The following ANKHD1 variants were observed in gnomAD, a reference collection of about 807,000 sequenced individuals.
The protein encoded by ANKHD1 is ankyrin repeat and KH domain containing 1.
ANKHD1 carries 31 observed loss-of-function variants against 230.5 expected under a neutral mutation model. The observed-to-expected ratio is 0.13, with a 90% confidence interval of 0.10 to 0.18. The LOEUF (loss-of-function observed/expected upper bound fraction) is 0.18. Among genes scored for constraint, ANKHD1 ranks in the 10% least tolerant of loss-of-function variants. The pLI, the probability that ANKHD1 is intolerant of heterozygous loss-of-function variation, is 1.00. For missense variants in ANKHD1, 2,256 were observed against 3,071.3 expected (o/e 0.73, Z 6.27); for synonymous variants, 1,074 against 1,117.6 (o/e 0.96, Z 0.78).
At chr5:140,464,489 C>A (rs1775948774) in intron 9 of ANKHD1, among the ~76,000 whole-genome samples, 178 bp from the exon 10 acceptor site, 1 of 152,064 alleles carries the variant, frequency 6.6e-6, no homozygotes, top group Non-Finnish European at 1.5e-5. Context: ...TGGTTTAGTT[C>A]TTTTTGGTAT....
intron 10 of ANKHD1, among the ~76,000 whole-genome samples, chr5:140,468,816 T>C (rs1384256626): frequency 6.6e-6 from 1 of 152,196 alleles, no homozygotes; most frequent in East Asian, 1.9e-4. Flanking sequence ...TTTTTAAATA[T>C]TACAAATGGT....
intron 15 of ANKHD1, 106 bp from the exon 16 acceptor site, chr5:140,504,715 A>G (rs76322259): frequency 8.5e-6 from 12 of 1,406,796 alleles, no homozygotes; most frequent in Non-Finnish European, 1.0e-5. Flanking sequence ...TGATTTTACT[A>G]TTACTACATA....
intron 14 of ANKHD1, among the ~76,000 whole-genome samples, chr5:140,489,650 C>T (rs1751681695): frequency 6.6e-6 from 1 of 152,102 alleles, no homozygotes; most frequent in Non-Finnish European, 1.5e-5. Context: ...TAGTGAGTAA[C>T]CATATTTTTG....
In ANKHD1 at chr5:140,512,983, G is replaced by A. The variant is rs757770078; in HGVS notation, c.4200+60G>A. 7.6e-6 allele frequency: 11 copies of A among 1,455,902 alleles called. No homozygotes were observed. In the East Asian group the frequency reaches 2.2e-4, roughly 29 times the overall value. 90.2% of individuals were successfully genotyped at this position (1,455,902 alleles called of 1,614,324 possible). ...TCTTTGTGGAATGATATGCCAAAGT[G>A]TGCAGTTAGGAACTTGTTCTTTTTA... On this transcript the variant is annotated intron_variant, in intron 23 of 33. Coordinates refer to ENST00000360839, the MANE Select transcript of ANKHD1 (RefSeq NM_017747.3).
chr5:140,516,342 G>A (rs1217196234), intron 24 of ANKHD1, among the ~76,000 whole-genome samples: 2 of 152,166 alleles, frequency 1.3e-5, no homozygotes, highest in African/African-American at 4.8e-5. Flanking sequence ...AAAGTGACAG[G>A]GAGAATGGAA....
chr5:140,521,805 C>T lies in ANKHD1; in HGVS notation c.4318-2261C>T, dbSNP rs181048654. On this transcript the variant is annotated intron_variant, in intron 24 of 33. Transcript: ENST00000360839. Reference sequence around the variant, plus strand: ...GACCAGGCTGGCTAACATGGTAAAACCCTTCTCTACTAAAAGTACAAAAAT... The same window carrying T: ...GACCAGGCTGGCTAACATGGTAAAATCCTTCTCTACTAAAAGTACAAAAAT... Among the ~76,000 whole-genome samples, 1,084 of 152,148 alleles carry T rather than the reference C, an allele frequency of 7.1e-3. 7 individuals carry two copies. Among genetic ancestry groups the T allele is most frequent in the Non-Finnish European group, 0.011 (763 of 67,994 alleles).
chr5:140,440,806 A>G (rs1311376395), intron 4 of ANKHD1, among the ~76,000 whole-genome samples, 189 bp from the exon 5 acceptor site: 3 of 152,208 alleles, frequency 2.0e-5, no homozygotes, highest in African/African-American at 2.4e-5. Flanking sequence ...TTAATATGTA[A>G]TGATATTGTA....
At chr5:140,423,199 A>G (rs879392259) in intron 1 of ANKHD1, among the ~76,000 whole-genome samples, 3 of 152,112 alleles carry the variant, frequency 2.0e-5, no homozygotes, top group African/African-American at 7.2e-5. Flanking sequence ...TGCCCAGCCT[A>G]TTTATTCAAA....
intron 10 of ANKHD1, among the ~76,000 whole-genome samples, chr5:140,477,967 G>T (rs1221345248): frequency 6.6e-6 from 1 of 152,080 alleles, no homozygotes; most frequent in African/African-American, 2.4e-5. Flanking sequence ...AAAATTACAC[G>T]GTAGAAACTG....
At chr5:140,522,001 G>A (rs1310553738) in intron 24 of ANKHD1, among the ~76,000 whole-genome samples, 2 of 152,198 alleles carry the variant, frequency 1.3e-5, no homozygotes, top group East Asian at 1.9e-4. Flanking sequence ...ATAAAGTTAC[G>A]TAATTCAGTG....
chr5:140,409,432 T>C (rs552041452), intron 1 of ANKHD1, among the ~76,000 whole-genome samples: 2 of 152,340 alleles, frequency 1.3e-5, no homozygotes, highest in African/African-American at 4.8e-5. Flanking sequence ...CTTTATTCCA[T>C]AAATTATCAT....
chr5:140,465,435 G>T (rs908502989), intron 10 of ANKHD1, among the ~76,000 whole-genome samples: 2 of 152,142 alleles, frequency 1.3e-5, no homozygotes, highest in East Asian at 1.9e-4. Flanking sequence ...CCATTTAAAT[G>T]TTCATGCCTC....
At chr5:140,431,362 G>A (rs1184329491) in intron 1 of ANKHD1, among the ~76,000 whole-genome samples, 3 of 152,150 alleles carry the variant, frequency 2.0e-5, no homozygotes, top group African/African-American at 4.8e-5. Context: ...AGTGAGTGCT[G>A]ATAAAATGCA....
intron 8 of ANKHD1, 138 bp from the exon 9 acceptor site, chr5:140,459,026 A>C: frequency 6.2e-6 from 1 of 160,104 alleles, no homozygotes; most frequent in East Asian, 1.7e-4. Context: ...ATATATATAT[A>C]TATTGCATTG....
intron 1 of ANKHD1, among the ~76,000 whole-genome samples, chr5:140,419,744 T>C (rs1486972132): frequency 2.6e-5 from 4 of 151,572 alleles, no homozygotes. Flanking sequence ...CTCTCTCTCT[T>C]TCTTTTCTTT....
intron 1 of ANKHD1, among the ~76,000 whole-genome samples, chr5:140,422,173 A>G (rs1210191190): frequency 6.6e-6 from 1 of 152,034 alleles, no homozygotes; most frequent in East Asian, 1.9e-4. Context: ...CCCAGGCTGG[A>G]GTGCAGTGGC....
In ANKHD1 at chr5:140,485,053, A is replaced by G; in HGVS notation, c.1871-68A>G. On this transcript the variant is annotated intron_variant, in intron 11 of 33. Transcript: ENST00000360839. This position sits in a 1 kb window ranked among gnomAD's most constrained non-coding sequence, Gnocchi z 4.8. ...CATTATACTTCACAAAAAATTTTTAAATGATATTGACTATGAACTAGCTTG... is the reference window on the plus strand; with the variant it reads ...CATTATACTTCACAAAAAATTTTTAGATGATATTGACTATGAACTAGCTTG... The G allele has an allele frequency of 9.2e-6, 14 of 1,515,004 alleles. No individual in the cohort carries two copies. The highest frequency in any genetic ancestry group is 1.2e-5 in the Non-Finnish European group (14 of 1,125,280). 93.8% of individuals were successfully genotyped at this position (1,515,004 alleles called of 1,614,324 possible).
chr5:140,528,126 ACC>A lies in ANKHD1; in HGVS notation c.5238-57_5238-56del, dbSNP rs1753679887. 2.8e-6 allele frequency: 4 copies of A among 1,427,730 alleles called. No individual in the cohort carries two copies. In the South Asian group the frequency reaches 5.8e-5, roughly 21 times the overall value. 88.4% of individuals were successfully genotyped at this position (1,427,730 alleles called of 1,614,324 possible). On this transcript the variant is annotated intron_variant, in intron 28 of 33. Coordinates refer to ENST00000360839, the MANE Select transcript of ANKHD1 (RefSeq NM_017747.3). ...AGAACTTTATTTGATGGTTAAGATT[ACC>A]TTTTTTTTTTTTTTTAATGTTTTTG... is the stretch of plus-strand genomic sequence containing the variant.
intron 15 of ANKHD1, 118 bp downstream of exon 15, chr5:140,497,396 C>T (rs1271971447): frequency 7.0e-7 from 1 of 1,437,622 alleles, no homozygotes; most frequent in Non-Finnish European, 9.1e-7. Context: ...TGTAAAATTA[C>T]CCATTTCTCG....
Sources: allele counts gnomAD v4.1 joint callset (sites outside exome capture counted in the v4.1 genomes callset), GRCh38; gene constraint gnomAD v4.1.1; non-coding constraint Gnocchi (gnomAD v3.1); transcripts MANE v1.5; gene names NCBI Gene and HGNC (gene_info 2026-07-23, HGNC 2026-07-21).